Variants in USP24 observed in about 807,000 individuals in gnomAD.
USP24 encodes ubiquitin specific peptidase 24.
USP24 carries 97 observed loss-of-function variants against 361.6 expected under a neutral mutation model. The ratio of observed to expected loss-of-function variants is 0.27; its 90% CI spans 0.23 to 0.32. USP24 has a LOEUF of 0.32. Ranked by LOEUF, USP24 falls within the 10% of genes least tolerant of loss-of-function variation. The pLI is 1.00. For synonymous variants in USP24, 1,098 were observed against 1,124.6 expected, an observed-to-expected ratio of 0.98 and a Z score of 0.47; for missense variants, 2,353 against 3,165.6, an observed-to-expected ratio of 0.74 and a Z score of 6.16.
At chr1:55,124,935 T>C (rs867778371) in intron 34 of USP24, among the ~76,000 whole-genome samples, 4 of 152,218 alleles carry the variant, frequency 2.6e-5, no homozygotes, top group Admixed American at 2.6e-4. Context: ...AGTTTGCACA[T>C]GTGCTCCCTT....
At chr1:55,165,068 GTCTC>G (rs1328524324) in intron 7 of USP24, among the ~76,000 whole-genome samples, 1 of 151,990 alleles carries the variant, frequency 6.6e-6, no homozygotes, top group Non-Finnish European at 1.5e-5. Flanking sequence ...TACACCATCA[GTCTC>G]TCTCCTTGAG....
Position 55,100,919 on chromosome 1 carries a change from C to A in USP24, c.5191G>T (p.Val1731Leu). Residue 1731 changes from valine to leucine, a missense_variant, in exon 44 of 68, where the codon GTG (valine) becomes TTG (leucine). Physicochemically the swap from Val to Leu is conservative, Grantham distance 32. Transcript: ENST00000294383. ...AAGAGAGACTGCACTTGGTAAAACA[C>A]GCTATCATCTGGATTGTCTGTGTCA... ...DDDTDNPDDSVFYQVQSLFGH... is the reference protein window; with the variant it reads ...DDDTDNPDDSLFYQVQSLFGH... 6.2e-7 allele frequency: 1 copy of A among 1,613,556 alleles called. No homozygotes were observed. Among genetic ancestry groups the A allele is most frequent in the Non-Finnish European group, 8.5e-7 (1 of 1,179,694 alleles).
At chr1:55,126,953 C>T (rs1004280104) in intron 32 of USP24, among the ~76,000 whole-genome samples, 4 of 152,192 alleles carry the variant, frequency 2.6e-5, no homozygotes, top group African/African-American at 9.6e-5. Context: ...CCATCATTTA[C>T]CCATTTTTCT....
chr1:55,146,261 T>C (rs1399681718), intron 19 of USP24, among the ~76,000 whole-genome samples, 152 bp from the exon 20 acceptor site: 1 of 152,190 alleles, frequency 6.6e-6, no homozygotes. Context: ...ATTCTGAAAT[T>C]AAATGAAGCA....
Position 55,162,277 on chromosome 1 carries a change from A to C in USP24, c.928-13T>G. 1 of 1,543,748 alleles carries C rather than the reference A, an allele frequency of 6.5e-7. No homozygotes were observed. Among genetic ancestry groups the C allele is most frequent in the Non-Finnish European group, 8.7e-7 (1 of 1,149,850 alleles). On this transcript the variant is annotated splice_polypyrimidine_tract_variant and intron_variant, in intron 7 of 67. Transcript: ENST00000294383. ...GTGCTGAGACAGCCTGGAAAAAGAC[A>C]GTGAAGATTAAAAATACATTTGAGA... is the stretch of plus-strand genomic sequence containing the variant.
intron 59 of USP24, among the ~76,000 whole-genome samples, chr1:55,080,218 C>T (rs994761113): frequency 1.3e-5 from 2 of 152,096 alleles, no homozygotes; most frequent in African/African-American, 4.8e-5. Flanking sequence ...ATTTTCGTTA[C>T]AAAATTGTCT....
At chr1:55,202,922 A>T (rs1384430479) in intron 1 of USP24, among the ~76,000 whole-genome samples, 1 of 152,242 alleles carries the variant, frequency 6.6e-6, no homozygotes, top group East Asian at 1.9e-4. Context: ...ATAAAGCAAG[A>T]TAAACTATAG....
intron 40 of USP24, among the ~76,000 whole-genome samples, chr1:55,106,858 C>G (rs1355175922): frequency 6.6e-6 from 1 of 152,170 alleles, no homozygotes; most frequent in Non-Finnish European, 1.5e-5. Context: ...TACCCCACCA[C>G]TGGAGGGCAG....
At chr1:55,094,153 C>G in intron 51 of USP24, 66 bp from the exon 52 acceptor site, 3 of 1,502,714 alleles carry the variant, frequency 2.0e-6, no homozygotes, top group South Asian at 2.5e-5. Context: ...GTTACTAAGA[C>G]TTGCCAAATT....
At chr1:55,086,136 T>A in intron 55 of USP24, 98 bp from the exon 56 acceptor site, 1 of 1,157,866 alleles carries the variant, frequency 8.6e-7, no homozygotes, top group Admixed American at 1.8e-5. Flanking sequence ...GAAACAAAAG[T>A]AGAGTCTCCT....
intron 21 of USP24, 65 bp from the exon 22 acceptor site, chr1:55,143,184 A>G (rs1646936708): frequency 1.6e-6 from 2 of 1,266,384 alleles, no homozygotes; most frequent in Non-Finnish European, 2.1e-6. Flanking sequence ...AAAATCACAG[A>G]TAATTATTTT....
intron 55 of USP24, among the ~76,000 whole-genome samples, chr1:55,087,374 C>T (rs2100452437): frequency 6.6e-6 from 1 of 152,306 alleles, no homozygotes; most frequent in East Asian, 1.9e-4. Context: ...AAGGACGTTA[C>T]AGTTTCTCTG....
intron 65 of USP24, 22 bp from the exon 66 acceptor site, chr1:55,072,425 G>A (rs749053226): frequency 3.8e-6 from 6 of 1,594,298 alleles, no homozygotes; most frequent in South Asian, 2.2e-5. Context: ...GGTCAAAAAT[G>A]CCATCAGAGG....
At chr1:55,113,751 G>A (rs1646023219) in intron 38 of USP24, among the ~76,000 whole-genome samples, 1 of 152,022 alleles carries the variant, frequency 6.6e-6, no homozygotes, top group Non-Finnish European at 1.5e-5. Flanking sequence ...GGTATTGATG[G>A]AACGTATCTC....
Position 55,157,498 on chromosome 1 carries a change from A to C in USP24, c.1228-128T>G, listed in dbSNP as rs910365098. 3 of 547,394 alleles carry C rather than the reference A, an allele frequency of 5.5e-6. No homozygotes were observed. The African/African-American group carries it at 5.9e-5, about 11-fold the overall frequency. 33.9% of individuals were successfully genotyped at this position (547,394 alleles called of 1,614,324 possible). ...AGCCAAAATATATCAAAGGCCAGTT[A>C]TAAGAAGTTAACAGACTACCATTTG... On this transcript the variant is annotated intron_variant, in intron 10 of 67. Coordinates refer to ENST00000294383, the MANE Select transcript of USP24 (RefSeq NM_015306.3).
In USP24 at chr1:55,092,867, C is replaced by T. The variant is rs764423590; in HGVS notation, c.6404G>A (p.Ser2135Asn). Residue 2135 changes from serine to asparagine, a missense_variant, in exon 53 of 68, where the codon AGT becomes AAT. Ser to Asn is a conservative substitution (Grantham distance 46). Around this residue, in one of 8 missense-constraint regions of USP24, gnomAD observed 598 missense variants for 761.9 expected, o/e 0.78. Coordinates refer to ENST00000294383, the MANE Select transcript of USP24 (RefSeq NM_015306.3). ...CAAAACAAAACTGAAATAATCACTA[C>T]TGTATACATCTCTATTCTTCATAAA... ...LKFMKNRDVY[S>N]SDYFSFVLSL... is the part of the protein sequence containing the mutation. The T allele has an allele frequency of 6.3e-7, 1 of 1,598,320 alleles. No homozygotes were observed. The highest frequency in any genetic ancestry group is 8.5e-7 in the Non-Finnish European group (1 of 1,174,154).
At chr1:55,076,373 G>T (rs950249293) in intron 62 of USP24, among the ~76,000 whole-genome samples, 1 of 152,186 alleles carries the variant, frequency 6.6e-6, no homozygotes, top group African/African-American at 2.4e-5. Flanking sequence ...AGGAAGTAAA[G>T]AACTTGAAAA....
At chr1:55,102,633 A>T (rs931471864) in intron 42 of USP24, among the ~76,000 whole-genome samples, 6 of 152,174 alleles carry the variant, frequency 3.9e-5, no homozygotes, top group African/African-American at 1.4e-4. Flanking sequence ...TTACAGCAGG[A>T]TTATTTCTAA....
chr1:55,190,432 A>G (rs1452536300), intron 1 of USP24, among the ~76,000 whole-genome samples: 1 of 152,212 alleles, frequency 6.6e-6, no homozygotes, highest in Non-Finnish European at 1.5e-5. Context: ...ACTTTTAAGT[A>G]GAGCCTGTCC....
Sources: allele counts gnomAD v4.1 joint callset (sites outside exome capture counted in the v4.1 genomes callset), GRCh38; gene constraint gnomAD v4.1.1; regional missense constraint gnomAD v4.1.1; transcripts MANE v1.5; gene names NCBI Gene and HGNC (gene_info 2026-07-23, HGNC 2026-07-21).